ZBTB16: variants seen among roughly 807,000 people sequenced by gnomAD.
ZBTB16 encodes the protein zinc finger and BTB domain-containing protein 16.
ZBTB16 carries 8 observed loss-of-function variants against 56.8 expected under a neutral mutation model. That is an observed-to-expected ratio of 0.14 (90% CI 0.08 to 0.25). The LOEUF (loss-of-function observed/expected upper bound fraction) is 0.25. Ranked by LOEUF, ZBTB16 falls within the 10% of genes least tolerant of loss-of-function variation. The pLI, the probability that ZBTB16 is intolerant of heterozygous loss-of-function variation, is 1.00. For synonymous variants in ZBTB16, 363 were observed against 368.5 expected (o/e 0.98, Z 0.17); for missense variants, 625 against 903.0 (o/e 0.69, Z 3.95).
intron 2 of ZBTB16, among the ~76,000 whole-genome samples, chr11:114,085,722 T>G (rs1454789937): frequency 2.6e-5 from 4 of 152,018 alleles, no homozygotes; most frequent in African/African-American, 9.7e-5. Context: ...TGAGCTAATG[T>G]GTGGCAGTGT....
At chr11:114,240,425 T>C (rs1057287055) in intron 4 of ZBTB16, among the ~76,000 whole-genome samples, 4 of 152,136 alleles carry the variant, frequency 2.6e-5, no homozygotes, top group African/African-American at 9.7e-5. Context: ...GAGCAGCCCA[T>C]GGCTTCCAGC....
chr11:114,091,088 G>C (rs1167212583), intron 2 of ZBTB16, among the ~76,000 whole-genome samples: 1 of 152,160 alleles, frequency 6.6e-6, no homozygotes, highest in African/African-American at 2.4e-5. Flanking sequence ...TTTCAGCTGG[G>C]TGCGGTGGGA....
At chr11:114,188,888 G>A (rs1320790930) in intron 4 of ZBTB16, 3 of 152,240 alleles carry the variant, frequency 2.0e-5, no homozygotes, top group Non-Finnish European at 4.4e-5. Context: ...CAAGAAGGTG[G>A]TATCTGGGCA....
Position 114,187,013 on chromosome 11 carries a change from G to A in ZBTB16, c.1428G>A (p.Leu476=), listed in dbSNP as rs1943376089. The change falls in exon 4 of 7, where the codon CTG becomes CTA. Residue 476 remains leucine (L), a synonymous_variant. Coordinates refer to ENST00000335953, the MANE Select transcript of ZBTB16 (RefSeq NM_006006.6). ...CACAGTTTTCGAAGGAGGATGCCCT[G>A]GAGACACACAGGCAGACCCATACTG... The part of the protein sequence containing the change: ...CGAQFSKEDA[L]ETHRQTHTGT... The A allele has an allele frequency of 6.2e-7, 1 of 1,613,974 alleles. No individual in the cohort carries two copies.
rs925240256 is a variant in ZBTB16, at chr11:114,211,445, C to A, written c.1453+24407C>A. On this transcript the variant is annotated intron_variant, in intron 4 of 6. Transcript: ENST00000335953. ...TGGGCATAGCAATAATAGTGCCCGC[C>A]TCCTAGAGTTATTTTTGAGGATAGA... is the stretch of plus-strand genomic sequence containing the variant. Among the ~76,000 whole-genome samples, 8 of 152,338 alleles carry A rather than the reference C, an allele frequency of 5.3e-5. No homozygotes were observed. In the East Asian group the frequency reaches 7.7e-4, roughly 15 times the overall value.
intron 2 of ZBTB16, among the ~76,000 whole-genome samples, chr11:114,083,451 C>T (rs1343509372): frequency 6.6e-6 from 1 of 152,174 alleles, no homozygotes; most frequent in East Asian, 1.9e-4. Flanking sequence ...TGTCTCACGT[C>T]CCAGTCGCTG....
intron 2 of ZBTB16, among the ~76,000 whole-genome samples, chr11:114,068,196 G>C (rs1413386089): frequency 6.6e-6 from 1 of 152,008 alleles, no homozygotes; most frequent in African/African-American, 2.4e-5. Flanking sequence ...CCTGAGTGTT[G>C]GTAAAGACTA....
chr11:114,154,671 C>T (rs544680104), intron 2 of ZBTB16, among the ~76,000 whole-genome samples: 1 of 152,262 alleles, frequency 6.6e-6, no homozygotes, highest in Admixed American at 6.5e-5. Flanking sequence ...TTGGGTGGAT[C>T]AGCATGGCAA....
rs58686003 is a variant in ZBTB16 at position 114,250,615 on chromosome 11, T to C, written c.*60T>C. The C allele has an allele frequency of 3.3e-3, 5,062 of 1,532,028 alleles. 86 individuals are homozygous for C. In the African/African-American group the frequency reaches 0.036, roughly 11 times the overall value. The allele number at this position is 1,532,028 out of a possible 1,614,324, so 94.9% of individuals were successfully genotyped here. A position where few individuals can be genotyped will look rare whatever the true frequency, so the allele number is the denominator to read the frequency against. The stretch of plus-strand genomic sequence containing the variant: ...CCAGGAAAGAAGAGTTGGAGTGAGA[T>C]GAAGGAAGGACTATGACAAATAAAA... On this transcript the variant is annotated 3_prime_UTR_variant, in exon 7 of 7. Transcript: ENST00000335953. The surrounding 1 kb of genome is among the most constrained non-coding windows in gnomAD (Gnocchi z 6.0).
intron 4 of ZBTB16, among the ~76,000 whole-genome samples, chr11:114,211,860 C>T (rs541375156): frequency 1.5e-4 from 23 of 152,238 alleles, no homozygotes; most frequent in African/African-American, 4.8e-4. Context: ...AGGCCTGGTT[C>T]GGGATTATGG....
At chr11:114,101,719 A>G (rs1940613713) in intron 2 of ZBTB16, among the ~76,000 whole-genome samples, 1 of 152,252 alleles carries the variant, frequency 6.6e-6, no homozygotes, top group African/African-American at 2.4e-5. Context: ...AAATACACAT[A>G]GATCTCCTGG....
chr11:114,219,658 C>A (rs1300673729), intron 4 of ZBTB16, among the ~76,000 whole-genome samples: 2 of 123,382 alleles, frequency 1.6e-5, no homozygotes, highest in African/African-American at 2.8e-5. Context: ...TTAAAAAAAG[C>A]TTAAAAAAAA....
intron 5 of ZBTB16, among the ~76,000 whole-genome samples, chr11:114,243,291 A>G (rs1944750979): frequency 1.3e-5 from 2 of 152,232 alleles, no homozygotes; most frequent in African/African-American, 4.8e-5. Context: ...AAACCTCTGC[A>G]TGCCACGTAA....
At chr11:114,148,763 G>A (rs1242820271) in intron 2 of ZBTB16, among the ~76,000 whole-genome samples, 1 of 151,720 alleles carries the variant, frequency 6.6e-6, no homozygotes. Context: ...AAAGTGTTAG[G>A]ATTATAGGCG....
rs184125326 is a variant in ZBTB16 at position 114,141,873 on chromosome 11, C to T, written c.1269-14464C>T. ...TCGAATGAGATAAGGCATGAAAATG[C>T]GCAGAATAGTGCCTGGCACATAGTA... On this transcript the variant is annotated intron_variant, in intron 2 of 6. Coordinates refer to ENST00000335953, the MANE Select transcript of ZBTB16 (RefSeq NM_006006.6). Among the ~76,000 whole-genome samples the T allele has an allele frequency of 2.3e-4, 35 of 152,332 alleles. No individual in the cohort carries two copies. In the East Asian group the frequency reaches 3.3e-3, roughly 14 times the overall value.
chr11:114,132,151 T>TTAGGTA, intron 2 of ZBTB16, among the ~76,000 whole-genome samples: 1 of 152,182 alleles, frequency 6.6e-6, no homozygotes, highest in South Asian at 2.1e-4. Flanking sequence ...CCTATACCTA[T>TTAGGTA]TAGGTATAGG....
At chr11:114,218,678 T>G (rs1276858911) in intron 4 of ZBTB16, among the ~76,000 whole-genome samples, 3 of 152,236 alleles carry the variant, frequency 2.0e-5, no homozygotes, top group Non-Finnish European at 4.4e-5. Context: ...AATTGAGATA[T>G]TAACTTCTGT....
At chr11:114,085,946 G>A (rs12282589) in intron 2 of ZBTB16, among the ~76,000 whole-genome samples, 1 of 152,294 alleles carries the variant, frequency 6.6e-6, no homozygotes, top group East Asian at 1.9e-4. Context: ...GAGGGTGTGA[G>A]ACCATGTGGC....
intron 4 of ZBTB16, among the ~76,000 whole-genome samples, chr11:114,205,508 TAGG>T (rs1347178603): frequency 2.0e-5 from 3 of 152,212 alleles, no homozygotes; most frequent in South Asian, 4.1e-4. Flanking sequence ...CTGCCCCCAG[TAGG>T]AGAAGATCCA....
Sources: gnomAD v4.1 joint callset for allele counts (sites outside exome capture counted in the v4.1 genomes callset) on GRCh38, gnomAD v4.1.1 for gene constraint, Gnocchi (gnomAD v3.1) non-coding constraint, MANE v1.5 for transcripts, NCBI Gene and HGNC (gene_info 2026-07-23, HGNC 2026-07-21) for gene names.